The following CTBP2 variants were observed in gnomAD, a reference collection of about 807,000 sequenced individuals.
The protein encoded by CTBP2 is C-terminal binding protein 2.
Under a neutral mutation model 80.3 loss-of-function variants are expected in CTBP2, and 30 were observed. The ratio of observed to expected loss-of-function variants is 0.37; its 90% CI spans 0.28 to 0.51. CTBP2 has a LOEUF of 0.51. Ranked by LOEUF, CTBP2 falls within the 20% of genes least tolerant of loss-of-function variation. The pLI is 0.93. For synonymous variants in CTBP2, 594 were observed against 587.4 expected, an observed-to-expected ratio of 1.01 and a Z score of -0.16; for missense variants, 1,212 against 1,375.3, an observed-to-expected ratio of 0.88 and a Z score of 1.88.
At chr10:125,145,762 A>C (rs1008121671) in intron 1 of CTBP2, among the ~76,000 whole-genome samples, 8 of 152,154 alleles carry the variant, frequency 5.3e-5, no homozygotes, top group African/African-American at 1.9e-4. Flanking sequence ...CACTTCCCAC[A>C]TCTTATTCAT....
At chr10:125,085,075 C>G (rs147381975) in intron 2 of CTBP2, among the ~76,000 whole-genome samples, 47 of 152,300 alleles carry the variant, frequency 3.1e-4, no homozygotes, top group African/African-American at 1.1e-3. Context: ...GGCTCATGAC[C>G]ATGGGACTGC....
chr10:125,107,422 A>G (rs974989258), intron 2 of CTBP2, among the ~76,000 whole-genome samples: 3 of 147,528 alleles, frequency 2.0e-5, no homozygotes, highest in Non-Finnish European at 4.4e-5. Context: ...ACACACTGGG[A>G]CCAGAGTGGC....
At chr10:125,136,895 A>G (rs1157809688) in intron 1 of CTBP2, among the ~76,000 whole-genome samples, 2 of 152,210 alleles carry the variant, frequency 1.3e-5, no homozygotes, top group Non-Finnish European at 2.9e-5. Flanking sequence ...GGCGTTGCCC[A>G]GGGCCTTGAA....
chr10:124,999,110 T>C (rs1028522499), intron 3 of CTBP2: 1 of 152,434 alleles, frequency 6.6e-6, no homozygotes, highest in East Asian at 1.9e-4. Context: ...AGAGGCCTGC[T>C]TGCAGCAGAG....
At chr10:125,030,101 C>T (rs1250714792), upstream of CTBP2, among the ~76,000 whole-genome samples, 1 of 151,838 alleles carries the variant, frequency 6.6e-6, no homozygotes, top group Non-Finnish European at 1.5e-5. Flanking sequence ...GGTAAAAACA[C>T]CTGTAACTGG....
chr10:125,099,048 G>C (rs1047744538), intron 2 of CTBP2, among the ~76,000 whole-genome samples: 1 of 152,210 alleles, frequency 6.6e-6, no homozygotes, highest in African/African-American at 2.4e-5. Flanking sequence ...GGAGTCTAGG[G>C]AGACACTGTA....
In CTBP2 at chr10:124,989,697, A is replaced by G. The variant is rs749831405; in HGVS notation, c.2779T>C (p.Tyr927His). The G allele has an allele frequency of 6.4e-7, 1 of 1,570,646 alleles. No homozygotes were observed. The highest frequency in any genetic ancestry group is 8.6e-7 in the Non-Finnish European group (1 of 1,158,374). The stretch of plus-strand genomic sequence containing the variant: ...GCCACACCCACGATGCCTGGCGGAT[A>G]TCTAAGGAACACACAGAAATAGGGC... The change falls in exon 9 of 9, where the codon TAT becomes CAT. Residue 927 changes from tyrosine to histidine, a missense_variant and splice_region_variant. Tyr to His is a moderately conservative substitution (Grantham distance 83). Coordinates refer to ENST00000309035, the MANE Select transcript of CTBP2 (RefSeq NM_022802.3).
intron 2 of CTBP2, among the ~76,000 whole-genome samples, chr10:125,103,967 C>T (rs904568042): frequency 2.0e-5 from 3 of 152,176 alleles, no homozygotes; most frequent in Non-Finnish European, 4.4e-5. Flanking sequence ...ACCCTACCCA[C>T]GACAACAAAG....
intron 1 of CTBP2, among the ~76,000 whole-genome samples, chr10:125,022,601 A>G (rs1292156671): frequency 6.6e-6 from 1 of 152,270 alleles, no homozygotes; most frequent in East Asian, 1.9e-4. Context: ...GTCTGTGTCC[A>G]GGACTCAGGG....
upstream of CTBP2, among the ~76,000 whole-genome samples, chr10:125,161,747 G>A (rs1412125255): frequency 6.6e-6 from 1 of 152,102 alleles, no homozygotes; most frequent in Non-Finnish European, 1.5e-5. Flanking sequence ...CTTGCTGCCT[G>A]GATCTCGCCG....
chr10:125,095,562 A>G (rs928068325), intron 2 of CTBP2, among the ~76,000 whole-genome samples: 1 of 152,160 alleles, frequency 6.6e-6, no homozygotes, highest in African/African-American at 2.4e-5. Context: ...CCACTACCAC[A>G]TGCTCTGAGG....
chr10:125,086,218 C>T (rs766632365), intron 2 of CTBP2, among the ~76,000 whole-genome samples: 5 of 152,070 alleles, frequency 3.3e-5, no homozygotes, highest in East Asian at 1.9e-4. Context: ...CACTCATGAA[C>T]GGGATTAGTG....
chr10:125,139,575 TG>T (rs1857479095), intron 1 of CTBP2, among the ~76,000 whole-genome samples: 1 of 152,116 alleles, frequency 6.6e-6, no homozygotes, highest in Non-Finnish European at 1.5e-5. Context: ...TTTTGGACTC[TG>T]GGAGCTTCCA....
At chr10:125,047,614 A>G (rs895729915) in intron 2 of CTBP2, among the ~76,000 whole-genome samples, 1 of 152,270 alleles carries the variant, frequency 6.6e-6, no homozygotes, top group African/African-American at 2.4e-5. Context: ...TTGGAGAGAA[A>G]TATCTGGAGG....
intron 1 of CTBP2, among the ~76,000 whole-genome samples, chr10:125,019,909 G>GC (rs1388709301): frequency 6.6e-6 from 1 of 152,188 alleles, no homozygotes; most frequent in Non-Finnish European, 1.5e-5. Context: ...AAAAGCCTGG[G>GC]CCCCATGACC....
At chr10:125,040,347 TGGG>T (rs1836423943) in intron 2 of CTBP2, among the ~76,000 whole-genome samples, 1 of 150,600 alleles carries the variant, frequency 6.6e-6, no homozygotes, top group South Asian at 2.1e-4. Flanking sequence ...CCCAGCTACT[TGGG>T]AGGCTGAGGC....
At position 124,989,446 on chromosome 10, in the gene CTBP2, T is replaced by C; in HGVS notation, c.*72A>G. On this transcript the variant is annotated 3_prime_UTR_variant, in exon 9 of 9. Transcript: ENST00000309035. ...TACAAAGACCATCCGATTCTTTTTC[T>C]CTTAGTTCATCTATTTTTCACTGTC... 1 of 1,414,442 alleles carries C rather than the reference T, an allele frequency of 7.1e-7. No homozygotes were observed. Among genetic ancestry groups the C allele is most frequent in the Non-Finnish European group, 1.0e-6 (1 of 1,000,078 alleles). The allele number at this position is 1,414,442 out of a possible 1,614,324, so 87.6% of individuals were successfully genotyped here.
At chr10:125,128,033 A>G (rs1040421223) in intron 1 of CTBP2, among the ~76,000 whole-genome samples, 2 of 152,164 alleles carry the variant, frequency 1.3e-5, no homozygotes, top group African/African-American at 4.8e-5. Flanking sequence ...AAAAGTAATG[A>G]CCCCAGAGAC....
intron 3 of CTBP2, among the ~76,000 whole-genome samples, chr10:125,036,095 C>T (rs1197595276): frequency 6.6e-6 from 1 of 152,244 alleles, no homozygotes; most frequent in Non-Finnish European, 1.5e-5. Context: ...CTGTGTCCTG[C>T]TCTCCGAGTA....
Sources: allele counts gnomAD v4.1 joint callset (sites outside exome capture counted in the v4.1 genomes callset), GRCh38; gene constraint gnomAD v4.1.1; transcripts MANE v1.5; gene names NCBI Gene and HGNC (gene_info 2026-07-23, HGNC 2026-07-21).